The following CDK14 variants were observed in gnomAD, a reference collection of about 807,000 sequenced individuals.
The protein encoded by CDK14 is cyclin dependent kinase 14, also known as cyclin-dependent kinase 14.
CDK14 carries 34 observed loss-of-function variants against 60.7 expected under a neutral mutation model. The observed-to-expected ratio is 0.56, with a 90% CI of 0.43 to 0.75. The LOEUF is 0.75. Ranked by LOEUF, CDK14 falls within the 30% of genes least tolerant of loss-of-function variation. The pLI is 0.00. For synonymous variants in CDK14, 197 were observed against 203.7 expected, an observed-to-expected ratio of 0.97 and a Z score of 0.28; for missense variants, 482 against 564.1, an observed-to-expected ratio of 0.85 and a Z score of 1.47.
intron 1 of CDK14, among the ~76,000 whole-genome samples, chr7:90,599,194 T>C (rs1401042131): frequency 6.6e-6 from 1 of 152,248 alleles, no homozygotes; most frequent in Non-Finnish European, 1.5e-5. Context: ...TGTTGGCTTT[T>C]AGTGAAATAA....
chr7:91,112,280 T>C (rs2116352489), intron 12 of CDK14, among the ~76,000 whole-genome samples: 1 of 152,322 alleles, frequency 6.6e-6, no homozygotes, highest in Non-Finnish European at 1.5e-5. Flanking sequence ...GGACCTAGTT[T>C]TATCTTTTCG....
At chr7:90,843,554 A>G (rs994051106) in intron 5 of CDK14, among the ~76,000 whole-genome samples, 7 of 152,166 alleles carry the variant, frequency 4.6e-5, no homozygotes, top group Non-Finnish European at 8.8e-5. Context: ...TTCCTCAATA[A>G]AAAGCATCCT....
chr7:90,920,173 A>G (rs1793205415), intron 8 of CDK14, among the ~76,000 whole-genome samples: 1 of 152,230 alleles, frequency 6.6e-6, no homozygotes, highest in African/African-American at 2.4e-5. Flanking sequence ...CTGTAGAGAA[A>G]TCAGACAGAA....
intron 4 of CDK14, among the ~76,000 whole-genome samples, chr7:90,771,553 G>A (rs1365923864): frequency 2.0e-5 from 3 of 152,236 alleles, no homozygotes; most frequent in African/African-American, 7.2e-5. Flanking sequence ...GTTGCTGGCT[G>A]CAAGCCTGAG....
chr7:90,901,196 G>C (rs1792494191), intron 7 of CDK14, among the ~76,000 whole-genome samples: 1 of 152,056 alleles, frequency 6.6e-6, no homozygotes, highest in Non-Finnish European at 1.5e-5. Context: ...CTCATTCCGA[G>C]TCCAGGTTGC....
intron 14 of CDK14, among the ~76,000 whole-genome samples, chr7:91,145,419 CT>C (rs1235524666): frequency 6.6e-6 from 1 of 152,170 alleles, no homozygotes; most frequent in Non-Finnish European, 1.5e-5. Context: ...GAAAGCCAGT[CT>C]TTAAAAGTCG....
rs1441956375 is a variant in CDK14 at position 90,790,865 on chromosome 7, G to A, written c.544+213G>A. The stretch of plus-strand genomic sequence containing the variant: ...GATTATCTGCTGTGTGCTCAGATGT[G>A]GAATAAAATGCTGTGCATTAATGGT... On this transcript the variant is annotated intron_variant, in intron 5 of 14. Transcript: ENST00000380050. 3.9e-5 allele frequency among the ~76,000 whole-genome samples: 6 copies of A among 152,082 alleles called. 1 individual carries two copies. Among genetic ancestry groups the A allele is most frequent in the Non-Finnish European group, 8.8e-5 (6 of 68,008 alleles).
chr7:91,189,783 A>G (rs899371424), intron 14 of CDK14, among the ~76,000 whole-genome samples: 4 of 152,218 alleles, frequency 2.6e-5, no homozygotes, highest in Non-Finnish European at 4.4e-5. Flanking sequence ...AAAATGTTCT[A>G]CTGTGTTTCA....
intron 6 of CDK14, among the ~76,000 whole-genome samples, chr7:90,882,262 CAA>C (rs142619671): frequency 8.6e-5 from 10 of 116,582 alleles, no homozygotes; most frequent in Non-Finnish European, 1.0e-4. Context: ...AAATGGAAAG[CAA>C]AAAAAAAAAA....
intron 3 of CDK14, among the ~76,000 whole-genome samples, chr7:90,734,186 T>C (rs1802990845): frequency 6.6e-6 from 1 of 152,218 alleles, no homozygotes; most frequent in South Asian, 2.1e-4. Flanking sequence ...CTGCTTTTAG[T>C]CTGATGGGCT....
chr7:91,093,916 A>G (rs1041067182), intron 12 of CDK14, among the ~76,000 whole-genome samples: 1 of 152,176 alleles, frequency 6.6e-6, no homozygotes, highest in African/African-American at 2.4e-5. Context: ...AAGTATATTA[A>G]CATAGGAACA....
At chr7:90,944,960 T>C (rs528217524) in intron 8 of CDK14, among the ~76,000 whole-genome samples, 1 of 152,240 alleles carries the variant, frequency 6.6e-6, no homozygotes, top group South Asian at 2.1e-4. Context: ...TTGAAGGATA[T>C]GTAGGAGTCA....
rs143276879 is a variant in CDK14, at chr7:91,169,214, C to T, written c.*29-37951C>T. Among the ~76,000 whole-genome samples the T allele has an allele frequency of 4.9e-4, 75 of 152,308 alleles. No individual in the cohort carries two copies. In the Middle Eastern group the frequency reaches 0.017, roughly 35 times the overall value. ...GGCGTGATACCGCTTTGATAGACACCGAGTGACCTAATATACACACTCCAG... is the reference window on the plus strand; with the variant it reads ...GGCGTGATACCGCTTTGATAGACACTGAGTGACCTAATATACACACTCCAG... On this transcript the variant is annotated intron_variant, in intron 14 of 14. Coordinates refer to ENST00000380050, the MANE Select transcript of CDK14 (RefSeq NM_001287135.2).
intron 14 of CDK14, among the ~76,000 whole-genome samples, chr7:91,160,660 T>C (rs1269296441): frequency 6.6e-6 from 1 of 152,134 alleles, no homozygotes; most frequent in Non-Finnish European, 1.5e-5. Flanking sequence ...TTATACTATA[T>C]ATATTTTTAA....
chr7:91,027,626 G>C (rs1405208), intron 10 of CDK14, among the ~76,000 whole-genome samples: 51,948 of 151,736 alleles, frequency 0.34, 9,400 homozygotes, highest in African/African-American at 0.42. Context: ...AAGAGCATTG[G>C]ATGGGGAATG....
At chr7:90,812,383 G>T (rs368281102) in intron 5 of CDK14, among the ~76,000 whole-genome samples, 54 of 151,892 alleles carry the variant, frequency 3.6e-4, no homozygotes, top group African/African-American at 8.5e-4. Context: ...AACCAAACAC[G>T]GCATGTTCTC....
chr7:91,121,737 C>T (rs553754428), intron 14 of CDK14, among the ~76,000 whole-genome samples: 3 of 152,302 alleles, frequency 2.0e-5, no homozygotes, highest in African/African-American at 7.2e-5. Flanking sequence ...ATTTTGTTAT[C>T]TTCTAAAGAT....
chr7:90,647,624 A>C (rs1285439654), intron 2 of CDK14, among the ~76,000 whole-genome samples: 2 of 152,158 alleles, frequency 1.3e-5, no homozygotes, highest in African/African-American at 4.8e-5. Context: ...TTTAGTTGAC[A>C]GAAATTTCAA....
intron 2 of CDK14, among the ~76,000 whole-genome samples, chr7:90,629,122 G>A (rs1326953158): frequency 6.6e-6 from 1 of 151,668 alleles, no homozygotes; most frequent in Non-Finnish European, 1.5e-5. Flanking sequence ...ACTGCCTCTT[G>A]CTACTACGGC....
Sources: gnomAD v4.1 joint callset for allele counts (sites outside exome capture counted in the v4.1 genomes callset) on GRCh38, gnomAD v4.1.1 for gene constraint, MANE v1.5 for transcripts, NCBI Gene and HGNC (gene_info 2026-07-23, HGNC 2026-07-21) for gene names.